The following RBFOX1 variants were observed in gnomAD, a reference collection of about 807,000 sequenced individuals.
RBFOX1 encodes the protein RNA binding fox-1 homolog 1.
RBFOX1 carries 8 observed loss-of-function variants against 57.7 expected under a neutral mutation model. The ratio of observed to expected loss-of-function variants is 0.14; its 90% CI spans 0.08 to 0.25. RBFOX1 has a LOEUF of 0.25. RBFOX1 is among the 10% of genes least tolerant of loss of function. The probability of loss-of-function intolerance (pLI) is 1.00; values close to 1 mark genes in which losing one functional copy is unlikely to be tolerated. For synonymous variants in RBFOX1, 326 were observed against 222.4 expected (o/e 1.47, Z -4.15); for missense variants, 611 against 548.5 (o/e 1.11, Z -1.14).
intron 2 of RBFOX1, among the ~76,000 whole-genome samples, chr16:6,528,467 C>G (rs74005259): frequency 0.014 from 2,153 of 152,272 alleles, 55 homozygotes; most frequent in African/African-American, 0.049. Context: ...TACATGCACC[C>G]TACAGCATCA....
chr16:7,356,155 G>A (rs896612986), intron 4 of RBFOX1, among the ~76,000 whole-genome samples: 1 of 152,128 alleles, frequency 6.6e-6, no homozygotes, highest in Non-Finnish European at 1.5e-5. Context: ...TATTCATCAC[G>A]TAACTATCAG....
intron 4 of RBFOX1, among the ~76,000 whole-genome samples, chr16:7,296,983 C>T (rs946866405): frequency 1.3e-5 from 2 of 152,162 alleles, no homozygotes; most frequent in African/African-American, 4.8e-5. Context: ...TGGCTTACAG[C>T]AGAACCTCAT....
chr16:5,729,487 A>G (rs1440978127), intron 3 of RBFOX1, among the ~76,000 whole-genome samples: 4 of 148,354 alleles, frequency 2.7e-5, no homozygotes, highest in Non-Finnish European at 4.4e-5. Flanking sequence ...TTTAGGGGAT[A>G]TAAATGTAAA....
chr16:6,831,901 C>T (rs992359113), intron 3 of RBFOX1, among the ~76,000 whole-genome samples: 7 of 152,158 alleles, frequency 4.6e-5, no homozygotes, highest in African/African-American at 9.7e-5. Flanking sequence ...CAATGTCTTA[C>T]TTCTGACGAA....
chr16:6,481,048 G>A lies in RBFOX1; in HGVS notation c.-64+163991G>A, dbSNP rs920244310. ...TGCATGTTTTTTAGGACAGACATTAGAAGTAGAGCTGTTTGATAATAGGGT... is the reference window on the plus strand; with the variant it reads ...TGCATGTTTTTTAGGACAGACATTAAAAGTAGAGCTGTTTGATAATAGGGT... On this transcript the variant is annotated intron_variant, in intron 2 of 15. Coordinates refer to ENST00000550418, the MANE Select transcript of RBFOX1 (RefSeq NM_018723.4). Among the ~76,000 whole-genome samples the A allele has an allele frequency of 1.6e-4, 25 of 152,142 alleles. 1 individual carries two copies. Among genetic ancestry groups the A allele is most frequent in the Admixed American group, 1.6e-3 (25 of 15,284 alleles).
Position 6,222,545 on chromosome 16 carries a change from A to G in RBFOX1, c.-126-94450A>G, listed in dbSNP as rs74006958. Among the ~76,000 whole-genome samples, 459 of 151,998 alleles carry G rather than the reference A, an allele frequency of 3.0e-3. 1 individual carries two copies. The highest frequency in any genetic ancestry group is 0.01 in the African/African-American group (417 of 41,464). Reference sequence around the variant, plus strand: ...TGACATAGCAACCATCGGCTTCTAGATGAGGACTTCCCTAACTTTAGTGCA... The same window carrying G: ...TGACATAGCAACCATCGGCTTCTAGGTGAGGACTTCCCTAACTTTAGTGCA... On this transcript the variant is annotated intron_variant, in intron 1 of 15. Coordinates refer to ENST00000550418, the MANE Select transcript of RBFOX1 (RefSeq NM_018723.4).
intron 1 of RBFOX1, among the ~76,000 whole-genome samples, chr16:5,450,800 G>A (rs569374752): frequency 7.2e-5 from 11 of 152,276 alleles, no homozygotes; most frequent in East Asian, 1.9e-4. Flanking sequence ...GTCTGGGACC[G>A]CAGGGATTCA....
intron 4 of RBFOX1, among the ~76,000 whole-genome samples, chr16:7,492,759 C>T (rs2067333573): frequency 6.6e-6 from 1 of 152,048 alleles, no homozygotes; most frequent in Admixed American, 6.6e-5. Flanking sequence ...CGGTTGGCAT[C>T]TTCCCCTTCA....
At chr16:5,832,011 G>T (rs1485158389) in intron 3 of RBFOX1, among the ~76,000 whole-genome samples, 1 of 152,170 alleles carries the variant, frequency 6.6e-6, no homozygotes, top group East Asian at 1.9e-4. Flanking sequence ...CTAGAGGGAA[G>T]GTATGTCTGT....
intron 1 of RBFOX1, among the ~76,000 whole-genome samples, chr16:6,314,665 G>A (rs1354292917): frequency 6.6e-6 from 1 of 152,152 alleles, no homozygotes; most frequent in Non-Finnish European, 1.5e-5. Flanking sequence ...AGGAAAGAGG[G>A]GGTAGGAGCT....
At chr16:7,560,836 C>G (rs1264365574) in intron 5 of RBFOX1, among the ~76,000 whole-genome samples, 1 of 152,230 alleles carries the variant, frequency 6.6e-6, no homozygotes, top group African/African-American at 2.4e-5. Flanking sequence ...GGGACCTAAA[C>G]ATTTGCTCCT....
At chr16:5,711,836 A>G (rs1205620611) in intron 3 of RBFOX1, among the ~76,000 whole-genome samples, 1 of 152,224 alleles carries the variant, frequency 6.6e-6, no homozygotes, top group African/African-American at 2.4e-5. Context: ...TTTCCAGAAA[A>G]TGATGATGGT....
intron 4 of RBFOX1, among the ~76,000 whole-genome samples, chr16:7,495,603 CTG>C (rs1298389406): frequency 1.3e-5 from 2 of 152,158 alleles, no homozygotes; most frequent in Non-Finnish European, 2.9e-5. Flanking sequence ...TGTTTGTTGA[CTG>C]TGTTTATATC....
Position 6,468,659 on chromosome 16 carries a change from T to G in RBFOX1, c.-64+151602T>G, listed in dbSNP as rs375768709. ...CAAAAACAAATAAAACCATTTTATT[T>G]GTGTGTGAGTTAGAACATTGAAATG... On this transcript the variant is annotated intron_variant, in intron 2 of 15. Transcript: ENST00000550418. 1.2e-4 allele frequency among the ~76,000 whole-genome samples: 19 copies of G among 152,356 alleles called. No individual in the cohort carries two copies. The East Asian group carries it at 3.1e-3, about 25-fold the overall frequency.
intron 3 of RBFOX1, among the ~76,000 whole-genome samples, chr16:6,731,906 T>C (rs980381261): frequency 2.0e-5 from 3 of 152,158 alleles, no homozygotes; most frequent in Non-Finnish European, 2.9e-5. Context: ...TCCTATGTTT[T>C]CTTGCACAGC....
intron 1 of RBFOX1, among the ~76,000 whole-genome samples, chr16:6,100,517 A>G (rs1227030937): frequency 1.3e-5 from 2 of 152,186 alleles, no homozygotes; most frequent in Non-Finnish European, 2.9e-5. Flanking sequence ...TCCTCCACAC[A>G]CTAAACACAA....
chr16:6,154,110 T>C (rs2096822207), intron 1 of RBFOX1, among the ~76,000 whole-genome samples: 1 of 152,218 alleles, frequency 6.6e-6, no homozygotes, highest in South Asian at 2.1e-4. Context: ...TGAAATCAGA[T>C]GTTCCTGCGT....
At chr16:6,196,405 T>G (rs944592822) in intron 1 of RBFOX1, among the ~76,000 whole-genome samples, 1 of 152,198 alleles carries the variant, frequency 6.6e-6, no homozygotes, top group Non-Finnish European at 1.5e-5. Context: ...TTTCAGATTT[T>G]TTGTAGGTAA....
At chr16:7,702,715 G>C (rs1358600875) in intron 14 of RBFOX1, among the ~76,000 whole-genome samples, 1 of 152,114 alleles carries the variant, frequency 6.6e-6, no homozygotes, top group Admixed American at 6.6e-5. Context: ...CGAGCATTTT[G>C]TCCAAACACA....
Sources: gnomAD v4.1 joint callset for allele counts (sites outside exome capture counted in the v4.1 genomes callset) on GRCh38, gnomAD v4.1.1 for gene constraint, MANE v1.5 for transcripts, NCBI Gene and HGNC (gene_info 2026-07-23, HGNC 2026-07-21) for gene names.